LIPG: variants seen among roughly 807,000 people sequenced by gnomAD.
LIPG encodes lipase G, endothelial type.
In LIPG, 34 loss-of-function variants were observed where a neutral mutation model predicts 51.8. That is an observed-to-expected ratio of 0.66 (90% confidence interval 0.50 to 0.87). LIPG has a LOEUF of 0.87. LIPG is among the 40% of genes least tolerant of loss of function. The pLI is 0.00. For missense variants in LIPG, 580 were observed against 652.7 expected (o/e 0.89, Z 1.21); for synonymous variants, 246 against 246.1 (o/e 1.00, Z 0.00).
chr18:49,561,874 C>A, upstream of LIPG: 1 of 1,273,068 alleles, frequency 7.9e-7, no homozygotes, highest in Non-Finnish European at 9.9e-7. Flanking sequence ...CGGGGCCGAG[C>A]GTGCGGCGTC....
At chr18:49,585,597 G>T (rs1327119218) in intron 8 of LIPG, among the ~76,000 whole-genome samples, 2 of 152,138 alleles carry the variant, frequency 1.3e-5, no homozygotes, top group African/African-American at 4.8e-5. Context: ...TTGCTTTTTT[G>T]TAGTTACAAA....
chr18:49,577,717 C>T (rs1255239503), intron 5 of LIPG, among the ~76,000 whole-genome samples: 16 of 85,444 alleles, frequency 1.9e-4, no homozygotes, highest in African/African-American at 8.4e-4. Flanking sequence ...ACCTCCCTCC[C>T]GGATGGCACG....
Position 49,583,631 on chromosome 18 carries a change from G to T in LIPG, c.1233G>T (p.Lys411Asn), listed in dbSNP as rs747269340. ...YTEEDLGDLLKIQLTWEGASQ... is the reference protein window; with the variant it reads ...YTEEDLGDLLNIQLTWEGASQ... ...AGGAGGACTTGGGAGACCTCTTGAA[G>T]ATCCAGCTCACCTGGGAGGGGGCCT... Residue 411 changes from lysine (K) to asparagine (N), a missense_variant, in exon 8 of 10, where the codon AAG becomes AAT. Coordinates refer to ENST00000261292, the MANE Select transcript of LIPG (RefSeq NM_006033.4). 1.2e-6 allele frequency: 2 copies of T among 1,614,178 alleles called. No individual in the cohort carries two copies. The highest frequency in any genetic ancestry group is 2.2e-5 in the South Asian group (2 of 91,080).
chr18:49,584,098 G>A (rs923116763), intron 8 of LIPG, among the ~76,000 whole-genome samples: 1 of 152,112 alleles, frequency 6.6e-6, no homozygotes, highest in East Asian at 1.9e-4. Context: ...TAGGAGTGCT[G>A]CCTTGTCGAT....
Position 49,567,531 on chromosome 18 carries a change from G to C in LIPG, c.369G>C (p.Trp123Cys). ...EKDANVVVVD[W>C]LPLAHQLYTD... Reference sequence around the variant, plus strand: ...ACGCCAATGTAGTTGTGGTTGACTGGCTCCCCCTGGCCCACCAGCTTTACA... The same window carrying C: ...ACGCCAATGTAGTTGTGGTTGACTGCCTCCCCCTGGCCCACCAGCTTTACA... Residue 123 changes from tryptophan (W) to cysteine (C), a missense_variant, in exon 3 of 10, where the codon TGG (tryptophan) becomes TGC (cysteine). Coordinates refer to ENST00000261292, the MANE Select transcript of LIPG (RefSeq NM_006033.4). 6.2e-7 allele frequency: 1 copy of C among 1,614,108 alleles called. No homozygotes were observed. The highest frequency in any genetic ancestry group is 8.5e-7 in the Non-Finnish European group (1 of 1,180,014).
Position 49,594,360 on chromosome 18 carries a change from C to T in LIPG, c.*3838C>T, listed in dbSNP as rs1704589465. ...ATGTTGGCCAGGCTGGTCTTGAACT[C>T]CTGACCTCAAGTGATCCACCTACCT... On this transcript the variant is annotated 3_prime_UTR_variant, in exon 10 of 10. Coordinates refer to ENST00000261292, the MANE Select transcript of LIPG (RefSeq NM_006033.4). The T allele has an allele frequency of 6.6e-6, 1 of 152,222 alleles. No homozygotes were observed. The highest frequency in any genetic ancestry group is 2.1e-4 in the South Asian group (1 of 4,830). The allele number at this position is 152,222 out of a possible 1,614,324, so 9.4% of individuals were successfully genotyped here.
At chr18:49,575,246 G>C in intron 4 of LIPG, 123 bp from the exon 5 acceptor site, 2 of 709,648 alleles carry the variant, frequency 2.8e-6, no homozygotes, top group Non-Finnish European at 2.4e-6. Flanking sequence ...TCCATGTCTT[G>C]ATTCTCCCAG....
intron 1 of LIPG, among the ~76,000 whole-genome samples, 162 bp from the exon 2 acceptor site, chr18:49,565,155 T>C (rs983442072): frequency 2.6e-5 from 4 of 152,360 alleles, no homozygotes; most frequent in African/African-American, 4.8e-5. Flanking sequence ...TTATAAAATG[T>C]TCACAGTTTT....
intron 9 of LIPG, among the ~76,000 whole-genome samples, chr18:49,587,568 C>CAAAAAAAAAAAAA (rs34734805): frequency 5.2e-4 from 22 of 42,306 alleles, no homozygotes; most frequent in African/African-American, 1.7e-3. Context: ...GACTCCGTCT[C>CAAAAAAAAAAAAA]AAAAAAAAAA....
chr18:49,571,072 A>G (rs1440176207), intron 4 of LIPG, among the ~76,000 whole-genome samples: 1 of 151,960 alleles, frequency 6.6e-6, no homozygotes, highest in Non-Finnish European at 1.5e-5. Flanking sequence ...CCAGCTTGAG[A>G]GCTTTATTTT....
At chr18:49,578,180 C>T (rs1250829736) in intron 5 of LIPG, among the ~76,000 whole-genome samples, 3 of 149,146 alleles carry the variant, frequency 2.0e-5, no homozygotes, top group Admixed American at 6.6e-5. Flanking sequence ...CTCCTCACCT[C>T]CCAGATGGGG....
At position 49,562,355 on chromosome 18, in the gene LIPG, G is replaced by A. The variant is rs1468896281; in HGVS notation, c.47G>A (p.Cys16Tyr). 1 of 1,613,592 alleles carries A rather than the reference G, an allele frequency of 6.2e-7. No homozygotes were observed. The highest frequency in any genetic ancestry group is 1.3e-5 in the African/African-American group (1 of 74,892). The change falls in exon 1 of 10, where the codon TGC becomes TAC. Residue 16 changes from cysteine (C) to tyrosine (Y), a missense_variant. Coordinates refer to ENST00000261292, the MANE Select transcript of LIPG (RefSeq NM_006033.4). ...PLLCFWSLCY[C>Y]FAAGSPVPFG... ...CTCTGTTTCTGGAGCCTCTGCTATT[G>A]CTTTGCTGCGGGGAGCCCCGTACCT...
chr18:49,582,329 G>T, intron 6 of LIPG, 33 bp from the exon 7 acceptor site: 1 of 1,613,970 alleles, frequency 6.2e-7, no homozygotes, highest in African/African-American at 1.3e-5. Flanking sequence ...ACAAGCAAGG[G>T]TTACAAGCAT....
chr18:49,578,255 C>T (rs1309030011), intron 5 of LIPG, among the ~76,000 whole-genome samples: 2 of 146,404 alleles, frequency 1.4e-5, no homozygotes, highest in Non-Finnish European at 3.0e-5. Flanking sequence ...AGGGGCTCCT[C>T]ACTTCTCAGA....
chr18:49,581,790 G>T (rs2084823542), intron 6 of LIPG, 133 bp downstream of exon 6: 2 of 1,125,034 alleles, frequency 1.8e-6, no homozygotes, highest in Non-Finnish European at 2.7e-6. Context: ...TTGCAAATCA[G>T]ATTACACTGT....
At position 49,567,477 on chromosome 18, in the gene LIPG, C is replaced by T. The variant is rs369562934; in HGVS notation, c.315C>T (p.Leu105=). The T allele has an allele frequency of 1.1e-5, 17 of 1,614,054 alleles. No individual in the cohort carries two copies. The African/African-American group carries it at 1.3e-4, about 13-fold the overall frequency. ...TCTTTGAAAACTGGCTGCACAAACT[C>T]GTGTCAGCCCTGCACACAAGAGAGA... ...SGIFENWLHK[L]VSALHTREKD... The change falls in exon 3 of 10, where the codon CTC becomes CTT. Residue 105 remains leucine, a synonymous_variant. Coordinates refer to ENST00000261292, the MANE Select transcript of LIPG (RefSeq NM_006033.4).
intron 7 of LIPG, 125 bp downstream of exon 7, chr18:49,582,607 G>A: frequency 7.9e-7 from 1 of 1,258,906 alleles, no homozygotes; most frequent in Non-Finnish European, 1.1e-6. Flanking sequence ...TGCTCAGGGA[G>A]GAGCCAGGTG....
At chr18:49,572,879 G>A (rs2084678406) in intron 4 of LIPG, among the ~76,000 whole-genome samples, 1 of 152,238 alleles carries the variant, frequency 6.6e-6, no homozygotes, top group Non-Finnish European at 1.5e-5. Flanking sequence ...GTCTATGACT[G>A]AATGGAAGAA....
At chr18:49,565,645 G>T in intron 2 of LIPG, 147 bp downstream of exon 2, 1 of 913,408 alleles carries the variant, frequency 1.1e-6, no homozygotes, top group Non-Finnish European at 1.7e-6. Flanking sequence ...CAGCTGTGAA[G>T]AATGTAACGG....
Sources: gnomAD v4.1 joint callset for allele counts (sites outside exome capture counted in the v4.1 genomes callset) on GRCh38, gnomAD v4.1.1 for gene constraint, MANE v1.5 for transcripts, NCBI Gene and HGNC (gene_info 2026-07-23, HGNC 2026-07-21) for gene names.